Variants in CDS1 observed in about 807,000 individuals in gnomAD.
CDS1 encodes the protein phosphatidate cytidylyltransferase 1.
CDS1 carries 41 observed loss-of-function variants against 62.1 expected under a neutral mutation model. The observed-to-expected ratio is 0.66, with a 90% CI of 0.51 to 0.86. CDS1 has a LOEUF of 0.86. Among genes scored for constraint, CDS1 ranks in the 40% least tolerant of loss-of-function variants. The probability of loss-of-function intolerance (pLI) is 0.00; values close to 1 mark genes in which losing one functional copy is unlikely to be tolerated. For missense variants in CDS1, 470 were observed against 550.1 expected, an observed-to-expected ratio of 0.85 and a Z score of 1.46; for synonymous variants, 185 against 192.6, an observed-to-expected ratio of 0.96 and a Z score of 0.32.
At chr4:84,641,695 G>A (rs1398989260) in intron 10 of CDS1, among the ~76,000 whole-genome samples, 2 of 152,242 alleles carry the variant, frequency 1.3e-5, no homozygotes, top group African/African-American at 2.4e-5. Flanking sequence ...TATCTTGGAG[G>A]CCTTACACTA....
chr4:84,593,749 C>G (rs1722665322), intron 1 of CDS1, among the ~76,000 whole-genome samples: 1 of 152,130 alleles, frequency 6.6e-6, no homozygotes, highest in South Asian at 2.1e-4. Context: ...AGTGATCCAC[C>G]CACCTCGGCC....
chr4:84,620,514 G>C (rs1227493428), intron 5 of CDS1, among the ~76,000 whole-genome samples: 10 of 151,416 alleles, frequency 6.6e-5, no homozygotes. Flanking sequence ...GAGCCACCGC[G>C]CCTGGCCTAA....
intron 3 of CDS1, among the ~76,000 whole-genome samples, chr4:84,613,068 A>G (rs973392847): frequency 2.6e-5 from 4 of 151,620 alleles, no homozygotes; most frequent in Non-Finnish European, 5.9e-5. Context: ...AGTTTATTAC[A>G]TACACATACA....
At chr4:84,637,160 G>C (rs1326759480) in intron 8 of CDS1, among the ~76,000 whole-genome samples, 2 of 152,126 alleles carry the variant, frequency 1.3e-5, no homozygotes, top group African/African-American at 4.8e-5. Flanking sequence ...AGCTGTATAA[G>C]GATACTGGTA....
intron 1 of CDS1, among the ~76,000 whole-genome samples, chr4:84,603,081 A>G (rs1722985424): frequency 6.6e-6 from 1 of 152,194 alleles, no homozygotes; most frequent in Non-Finnish European, 1.5e-5. Context: ...CTTACTGCTT[A>G]TTTGAATTTA....
intron 5 of CDS1, among the ~76,000 whole-genome samples, chr4:84,620,268 G>C (rs1723640478): frequency 6.9e-6 from 1 of 144,686 alleles, no homozygotes; most frequent in South Asian, 2.2e-4. Flanking sequence ...TGTCGCCCAG[G>C]GTGGAGTGCA....
intron 1 of CDS1, among the ~76,000 whole-genome samples, chr4:84,602,706 A>T (rs1036495496): frequency 2.0e-5 from 3 of 152,198 alleles, no homozygotes; most frequent in Admixed American, 6.5e-5. Context: ...AAGAAAAAAA[A>T]AACTGATGTG....
chr4:84,630,617 A>G (rs79432197), intron 5 of CDS1, among the ~76,000 whole-genome samples: 54 of 152,236 alleles, frequency 3.5e-4, no homozygotes, highest in East Asian at 3.1e-3. Context: ...TGAAAATTCA[A>G]TTTCTCTCTT....
At chr4:84,594,797 G>C (rs576691104) in intron 1 of CDS1, among the ~76,000 whole-genome samples, 1 of 152,182 alleles carries the variant, frequency 6.6e-6, no homozygotes, top group East Asian at 1.9e-4. Context: ...GCTCACTGCA[G>C]GCTCAACTTC....
intron 3 of CDS1, among the ~76,000 whole-genome samples, chr4:84,616,883 A>G (rs1723513324): frequency 6.6e-6 from 1 of 152,240 alleles, no homozygotes; most frequent in African/African-American, 2.4e-5. Flanking sequence ...ATAGGTGTGC[A>G]ATCAGGACAC....
At position 84,640,925 on chromosome 4, in the gene CDS1, C is replaced by T. The variant is rs755867485; in HGVS notation, c.967C>T (p.Pro323Ser). The change falls in exon 10 of 13, where the codon CCC becomes TCC. Residue 323 changes from proline (P) to serine (S), a missense_variant. Physicochemically the swap from Pro to Ser is moderately conservative, Grantham distance 74. This residue lies in a region of CDS1 where 214 missense variants were observed against 242.4 expected (regional missense o/e 0.88). Coordinates refer to ENST00000295887, the MANE Select transcript of CDS1 (RefSeq NM_001263.4). Reference sequence around the variant, plus strand: ...AAACTCCTTCGTGACAGAATGTGAGCCCTCAGAACTTTTCCAGCTTCAGAC... The same window carrying T: ...AAACTCCTTCGTGACAGAATGTGAGTCCTCAGAACTTTTCCAGCTTCAGAC... Reference protein sequence around the residue: ...DVNSFVTECEPSELFQLQTYS... With the variant: ...DVNSFVTECESSELFQLQTYS... 6.2e-7 allele frequency: 1 copy of T among 1,611,044 alleles called. No homozygotes were observed. Among genetic ancestry groups the T allele is most frequent in the Non-Finnish European group, 8.5e-7 (1 of 1,178,846 alleles).
chr4:84,648,711 AC>A lies in CDS1; in HGVS notation c.*26del. ...ACTGGATCCAGAGAGGGAAGGACTG[AC>A]AAGAAGGAATTATTCAGAAAAACAC... On this transcript the variant is annotated 3_prime_UTR_variant, in exon 13 of 13. Transcript: ENST00000295887. 1 of 1,593,718 alleles carries A rather than the reference AC, an allele frequency of 6.3e-7. No homozygotes were observed. Among genetic ancestry groups the A allele is most frequent in the Non-Finnish European group, 8.5e-7 (1 of 1,171,626 alleles).
chr4:84,637,908 G>C (rs1019555542), intron 8 of CDS1, among the ~76,000 whole-genome samples: 1 of 152,118 alleles, frequency 6.6e-6, no homozygotes, highest in South Asian at 2.1e-4. Context: ...AGGTGTGTCT[G>C]TCCCTTCTCT....
At chr4:84,613,321 C>A (rs1183588423) in intron 3 of CDS1, among the ~76,000 whole-genome samples, 1 of 151,944 alleles carries the variant, frequency 6.6e-6, no homozygotes, top group Non-Finnish European at 1.5e-5. Context: ...TTAAAAACTT[C>A]TAGGAGGTCG....
intron 5 of CDS1, among the ~76,000 whole-genome samples, chr4:84,627,853 C>G (rs958650979): frequency 6.6e-6 from 1 of 152,212 alleles, no homozygotes; most frequent in African/African-American, 2.4e-5. Flanking sequence ...TCACAAAGGA[C>G]TGTATCTCCA....
chr4:84,589,843 C>T (rs1722532372), intron 1 of CDS1, among the ~76,000 whole-genome samples: 1 of 152,120 alleles, frequency 6.6e-6, no homozygotes, highest in African/African-American at 2.4e-5. Flanking sequence ...CGGAGTCTCA[C>T]TCTGTTGCCC....
In CDS1 at chr4:84,651,085, CTTG is replaced by C. The variant is rs1442713645; in HGVS notation, c.*2404_*2406del. ...GCACATTCTTCCTCAGCGCTTTTTCCTTGTTGTGGTGACGTACATTCACTATCT... is the reference window on the plus strand; with the variant it reads ...GCACATTCTTCCTCAGCGCTTTTTCCTTGTGGTGACGTACATTCACTATCT... On this transcript the variant is annotated 3_prime_UTR_variant, in exon 13 of 13. Coordinates refer to ENST00000295887, the MANE Select transcript of CDS1 (RefSeq NM_001263.4). 1 of 152,148 alleles carries C rather than the reference CTTG, an allele frequency of 6.6e-6. No homozygotes were observed. The highest frequency in any genetic ancestry group is 2.4e-5 in the African/African-American group (1 of 41,422). 9.4% of individuals were successfully genotyped at this position (152,148 alleles called of 1,614,324 possible). A position where few individuals can be genotyped will look rare whatever the true frequency, so the allele number is the denominator to read the frequency against.
intron 7 of CDS1, among the ~76,000 whole-genome samples, chr4:84,634,487 A>T (rs1724116280): frequency 6.6e-6 from 1 of 152,166 alleles, no homozygotes; most frequent in Admixed American, 6.5e-5. Flanking sequence ...CTTAAAAATT[A>T]GTTGGAATGG....
chr4:84,645,230 A>G lies in CDS1; in HGVS notation c.1161A>G (p.Ala387=), dbSNP rs772456895. ...TTTGTTTGTTTCTAAAGGATTTTGC[A>G]AATACCATTCCTGGACATGGTGGGA... ...FKRAFKIKDF[A]NTIPGHGGIM... Residue 387 remains alanine, a synonymous_variant, in exon 12 of 13, where the codon GCA becomes GCG. Coordinates refer to ENST00000295887, the MANE Select transcript of CDS1 (RefSeq NM_001263.4). The G allele has an allele frequency of 5.0e-6, 8 of 1,608,298 alleles. No individual in the cohort carries two copies. The highest frequency in any genetic ancestry group is 1.7e-5 in the Admixed American group (1 of 59,636).
Sources: gnomAD v4.1 joint callset for allele counts (sites outside exome capture counted in the v4.1 genomes callset) on GRCh38, gnomAD v4.1.1 for gene constraint, gnomAD v4.1.1 regional missense constraint, MANE v1.5 for transcripts, NCBI Gene and HGNC (gene_info 2026-07-23, HGNC 2026-07-21) for gene names.